Variants in ATP6V0E1 observed in about 807,000 individuals in gnomAD.
ATP6V0E1 encodes V-type proton ATPase subunit e 1.
Under a neutral mutation model 11.6 loss-of-function variants are expected in ATP6V0E1, and 4 were observed. That is an observed-to-expected ratio of 0.35 (90% CI 0.17 to 0.79). The LOEUF is 0.79. Ranked by LOEUF, ATP6V0E1 falls within the 30% of genes least tolerant of loss-of-function variation. The probability of loss-of-function intolerance (pLI) is 0.54; values close to 1 mark genes in which losing one functional copy is unlikely to be tolerated. For missense variants in ATP6V0E1, 105 were observed against 100.0 expected (o/e 1.05, Z -0.21); for synonymous variants, 36 against 34.8 (o/e 1.04, Z -0.13).
intron 2 of ATP6V0E1, among the ~76,000 whole-genome samples, chr5:173,003,561 G>A (rs937777194): frequency 2.0e-5 from 3 of 152,172 alleles, no homozygotes; most frequent in Non-Finnish European, 2.9e-5. Context: ...AGGAACACCC[G>A]TCAGGAAGTG....
intron 1 of ATP6V0E1, among the ~76,000 whole-genome samples, chr5:172,994,572 A>G (rs1411032506): frequency 6.6e-6 from 1 of 152,154 alleles, no homozygotes; most frequent in African/African-American, 2.4e-5. Flanking sequence ...CTCTTTAAAT[A>G]CAAATGTTTA....
In ATP6V0E1 at chr5:173,034,428, A is replaced by C; in HGVS notation, c.*66A>C. On this transcript the variant is annotated 3_prime_UTR_variant, in exon 4 of 4. Coordinates refer to ENST00000519374, the MANE Select transcript of ATP6V0E1 (RefSeq NM_003945.4). The stretch of plus-strand genomic sequence containing the variant: ...CGAGAAGAGAATGCCTTCTAGATGC[A>C]AAATCACCTCCAAACCAGACCACTT... 1.4e-6 allele frequency: 1 copy of C among 703,018 alleles called. No homozygotes were observed. The highest frequency in any genetic ancestry group is 2.6e-6 in the Non-Finnish European group (1 of 384,988). The allele number at this position is 703,018 out of a possible 1,614,324, so 43.5% of individuals were successfully genotyped here.
chr5:173,026,835 T>C (rs1297345500), intron 3 of ATP6V0E1, among the ~76,000 whole-genome samples: 27 of 152,232 alleles, frequency 1.8e-4, no homozygotes, highest in Non-Finnish European at 3.5e-4. Flanking sequence ...TTCTAGATAC[T>C]GTTGCATTGT....
chr5:172,991,174 A>G (rs1416191573), intron 1 of ATP6V0E1, among the ~76,000 whole-genome samples: 1 of 152,186 alleles, frequency 6.6e-6, no homozygotes, highest in Non-Finnish European at 1.5e-5. Context: ...AGAGTAGTAC[A>G]ATAAGTGCCA....
At chr5:173,030,919 TTGTA>T (rs1260049548) in intron 3 of ATP6V0E1, among the ~76,000 whole-genome samples, 3 of 133,790 alleles carry the variant, frequency 2.2e-5, no homozygotes, top group Non-Finnish European at 4.7e-5. Flanking sequence ...TGGCTAATTT[TTGTA>T]TTTATTTATT....
chr5:172,999,668 GC>G, intron 2 of ATP6V0E1, among the ~76,000 whole-genome samples: 1 of 152,274 alleles, frequency 6.6e-6, no homozygotes, highest in African/African-American at 2.4e-5. Context: ...TTGGATTTGA[GC>G]CCTTGCCTCT....
At chr5:173,019,533 G>A (rs888427487) in intron 2 of ATP6V0E1, among the ~76,000 whole-genome samples, 7 of 150,674 alleles carry the variant, frequency 4.6e-5, no homozygotes, top group Admixed American at 4.0e-4. Context: ...TGGACTGGGC[G>A]AAAGAGCGAG....
At chr5:173,021,040 G>A (rs535908281) in intron 3 of ATP6V0E1, 164 of 412,532 alleles carry the variant, frequency 4.0e-4, no homozygotes, top group Admixed American at 7.8e-4. Context: ...TATTTGGCTC[G>A]CAGTTCTGCA....
intron 3 of ATP6V0E1, among the ~76,000 whole-genome samples, chr5:173,033,623 G>A (rs1210496325): frequency 6.6e-6 from 1 of 151,974 alleles, no homozygotes; most frequent in Non-Finnish European, 1.5e-5. Context: ...TGGGCACAAC[G>A]CTTGAGCCCA....
chr5:173,023,871 C>T, intron 3 of ATP6V0E1, among the ~76,000 whole-genome samples: 1 of 151,008 alleles, frequency 6.6e-6, no homozygotes. Context: ...AAAAACTTTT[C>T]CTCATCAACA....
At chr5:172,991,211 GT>G (rs1211160281) in intron 1 of ATP6V0E1, among the ~76,000 whole-genome samples, 1 of 152,136 alleles carries the variant, frequency 6.6e-6, no homozygotes, top group African/African-American at 2.4e-5. Flanking sequence ...CTCAGTCATT[GT>G]TTAACGTATT....
Position 173,021,553 on chromosome 5 carries a change from A to G in ATP6V0E1, c.*36+1186A>G, listed in dbSNP as rs569647673. On this transcript the variant is annotated intron_variant, in intron 3 of 3. Transcript: ENST00000519374. ...ACCAGGTCCCTCCCACAACACGTGG[A>G]AATTATGGAAGCTACAATTCAAGAT... Among the ~76,000 whole-genome samples the G allele has an allele frequency of 7.9e-5, 12 of 152,202 alleles. No individual in the cohort carries two copies. In the East Asian group the frequency reaches 1.7e-3, roughly 22 times the overall value.
At chr5:173,032,733 T>C (rs1039584464) in intron 3 of ATP6V0E1, among the ~76,000 whole-genome samples, 3 of 152,230 alleles carry the variant, frequency 2.0e-5, no homozygotes, top group African/African-American at 7.2e-5. Context: ...AGAAGTCTAA[T>C]CAGTGTGCTC....
intron 3 of ATP6V0E1, among the ~76,000 whole-genome samples, chr5:173,029,785 A>G (rs1198782678): frequency 6.6e-6 from 1 of 152,102 alleles, no homozygotes; most frequent in African/African-American, 2.4e-5. Flanking sequence ...CCGGGTCACC[A>G]GCGGTCCCAT....
intron 1 of ATP6V0E1, among the ~76,000 whole-genome samples, chr5:172,985,011 C>T (rs1755859086): frequency 6.6e-6 from 1 of 152,176 alleles, no homozygotes; most frequent in African/African-American, 2.4e-5. Flanking sequence ...CTTTGGGAGG[C>T]CAAGGCGGGC....
intron 1 of ATP6V0E1, among the ~76,000 whole-genome samples, chr5:172,985,875 T>C (rs534273511): frequency 1.3e-5 from 2 of 152,252 alleles, no homozygotes; most frequent in Non-Finnish European, 2.9e-5. Flanking sequence ...GAACAAAGAG[T>C]TTACTTAAAC....
At chr5:172,999,549 A>C (rs1417370238) in intron 2 of ATP6V0E1, among the ~76,000 whole-genome samples, 1 of 152,072 alleles carries the variant, frequency 6.6e-6, no homozygotes, top group East Asian at 1.9e-4. Flanking sequence ...CTAGTCTTGA[A>C]CTCCTGAGCT....
chr5:173,029,273 C>T (rs1046030972), intron 3 of ATP6V0E1, among the ~76,000 whole-genome samples: 6 of 152,132 alleles, frequency 3.9e-5, no homozygotes, highest in Admixed American at 3.9e-4. Context: ...AAAAGTAAAT[C>T]TTTTACTCCG....
chr5:172,992,543 G>A (rs1034846041), intron 1 of ATP6V0E1, among the ~76,000 whole-genome samples: 1 of 151,910 alleles, frequency 6.6e-6, no homozygotes, highest in East Asian at 1.9e-4. Context: ...GGAACACTCC[G>A]TCACCTTGTT....
Sources: gnomAD v4.1 joint callset for allele counts (sites outside exome capture counted in the v4.1 genomes callset) on GRCh38, gnomAD v4.1.1 for gene constraint, MANE v1.5 for transcripts, NCBI Gene and HGNC (gene_info 2026-07-23, HGNC 2026-07-21) for gene names.